EBF2: variants seen among roughly 807,000 people sequenced by gnomAD.
The protein encoded by EBF2 is EBF transcription factor 2, also known as transcription factor COE2.
EBF2 carries 21 observed loss-of-function variants against 72.8 expected under a neutral mutation model. The observed-to-expected ratio is 0.29, with a 90% confidence interval of 0.20 to 0.42. EBF2 has a LOEUF of 0.42. Among genes scored for constraint, EBF2 ranks in the 10% least tolerant of loss-of-function variants. The probability of loss-of-function intolerance (pLI) is 1.00; values close to 1 mark genes in which losing one functional copy is unlikely to be tolerated. For missense variants in EBF2, 637 were observed against 731.2 expected, an observed-to-expected ratio of 0.87 and a Z score of 1.49; for synonymous variants, 299 against 274.2, an observed-to-expected ratio of 1.09 and a Z score of -0.89.
chr8:26,044,670 C>A lies in EBF2; in HGVS notation c.131+59G>T, dbSNP rs573165454. 1.3e-6 allele frequency: 2 copies of A among 1,583,114 alleles called. No homozygotes were observed. The highest frequency in any genetic ancestry group is 1.3e-5 in the African/African-American group (1 of 74,444). ...ACGGGGTGCGCGGGGGGGGTGCACA[C>A]GGAGAGACAGACCGTAAGAGCGAGA... On this transcript the variant is annotated intron_variant, in intron 1 of 15. Transcript: ENST00000520164. This position sits in a 1 kb window ranked among gnomAD's most constrained non-coding sequence, Gnocchi z 4.1.
chr8:25,941,942 G>T (rs1009314195), intron 6 of EBF2, among the ~76,000 whole-genome samples: 1 of 152,194 alleles, frequency 6.6e-6, no homozygotes, highest in African/African-American at 2.4e-5. Context: ...GCTTAATAAT[G>T]GATCACTTCT....
At chr8:26,010,543 C>A (rs950542120) in intron 6 of EBF2, among the ~76,000 whole-genome samples, 1 of 152,176 alleles carries the variant, frequency 6.6e-6, no homozygotes, top group Non-Finnish European at 1.5e-5. Context: ...CACCCGTTCC[C>A]GGCAGAAAAT....
At chr8:25,988,894 C>A (rs561590202) in intron 6 of EBF2, among the ~76,000 whole-genome samples, 7 of 152,230 alleles carry the variant, frequency 4.6e-5, no homozygotes, top group African/African-American at 1.4e-4. Flanking sequence ...ACAGCTCTTT[C>A]CAAAAAACTA....
At chr8:25,953,718 A>G (rs778113064) in intron 6 of EBF2, among the ~76,000 whole-genome samples, 4 of 152,182 alleles carry the variant, frequency 2.6e-5, no homozygotes, top group Admixed American at 6.5e-5. Context: ...AAGGCTGTGG[A>G]GACTCCTTCT....
chr8:25,882,623 G>A (rs1327542802), intron 10 of EBF2, among the ~76,000 whole-genome samples: 1 of 152,190 alleles, frequency 6.6e-6, no homozygotes, highest in Non-Finnish European at 1.5e-5. Context: ...CACCACAGTT[G>A]CCAGGCACTG....
chr8:26,037,757 A>C (rs1805526983), intron 5 of EBF2, among the ~76,000 whole-genome samples: 1 of 152,224 alleles, frequency 6.6e-6, no homozygotes. Flanking sequence ...CTCCTTGCTA[A>C]TAATTGGCAA....
intron 6 of EBF2, among the ~76,000 whole-genome samples, chr8:25,945,232 C>G (rs1270865838): frequency 6.6e-6 from 1 of 152,034 alleles, no homozygotes; most frequent in African/African-American, 2.4e-5. Flanking sequence ...CTATATCCCC[C>G]AAGTTGAACT....
intron 5 of EBF2, among the ~76,000 whole-genome samples, chr8:26,037,964 G>T (rs1805531850): frequency 6.6e-6 from 1 of 152,178 alleles, no homozygotes; most frequent in Non-Finnish European, 1.5e-5. Flanking sequence ...ATAACACTAT[G>T]CAAATGAAAC....
At chr8:25,861,429 CAAA>C (rs1432560072) in intron 11 of EBF2, 55 bp from the exon 12 acceptor site, 2 of 1,598,810 alleles carry the variant, frequency 1.3e-6, no homozygotes, top group Admixed American at 3.4e-5. Context: ...AGATGGCAAA[CAAA>C]AGAAAATTAT....
intron 6 of EBF2, among the ~76,000 whole-genome samples, chr8:25,942,167 G>C (rs994416668): frequency 5.9e-5 from 9 of 152,206 alleles, no homozygotes; most frequent in African/African-American, 2.2e-4. Context: ...CCCCATCTGG[G>C]AACATGCAAT....
At chr8:26,002,895 CA>C (rs1485607056) in intron 6 of EBF2, among the ~76,000 whole-genome samples, 23 of 9,644 alleles carry the variant, frequency 2.4e-3, no homozygotes, top group East Asian at 7.2e-3. Flanking sequence ...GGCGGGCAGG[CA>C]GGCGGGCAGG....
intron 6 of EBF2, among the ~76,000 whole-genome samples, chr8:26,019,026 G>A (rs146168837): frequency 2.7e-4 from 41 of 151,878 alleles, no homozygotes; most frequent in African/African-American, 9.4e-4. Flanking sequence ...CTATTTCAGA[G>A]GATAGGTATG....
intron 6 of EBF2, among the ~76,000 whole-genome samples, chr8:26,026,040 A>G (rs1356101319): frequency 6.6e-6 from 1 of 152,160 alleles, no homozygotes; most frequent in African/African-American, 2.4e-5. Flanking sequence ...ATAGCCCGGC[A>G]TAGTGGCACA....
At chr8:26,026,722 A>C (rs540909933) in intron 6 of EBF2, among the ~76,000 whole-genome samples, 1 of 152,266 alleles carries the variant, frequency 6.6e-6, no homozygotes, top group East Asian at 1.9e-4. Context: ...GTTCTTCCAG[A>C]TCACACCCAC....
At chr8:25,877,973 T>C (rs1321803754) in intron 10 of EBF2, among the ~76,000 whole-genome samples, 1 of 152,164 alleles carries the variant, frequency 6.6e-6, no homozygotes, top group African/African-American at 2.4e-5. Flanking sequence ...ATAATTCTTA[T>C]GATCAGCCAA....
chr8:25,952,686 A>G (rs144350692), intron 6 of EBF2, among the ~76,000 whole-genome samples: 6 of 152,296 alleles, frequency 3.9e-5, no homozygotes, highest in African/African-American at 1.2e-4. Flanking sequence ...CCCTTCATCT[A>G]TGCAAGTTTT....
chr8:26,006,041 C>T (rs1026800886), intron 6 of EBF2, among the ~76,000 whole-genome samples: 10 of 152,070 alleles, frequency 6.6e-5, no homozygotes, highest in Non-Finnish European at 2.9e-5. Flanking sequence ...TCCATTTTCA[C>T]AAGGAGCCAA....
chr8:25,949,165 T>A (rs1337911403), intron 6 of EBF2, among the ~76,000 whole-genome samples: 2 of 152,162 alleles, frequency 1.3e-5, no homozygotes, highest in Non-Finnish European at 2.9e-5. Flanking sequence ...CATTATTGTT[T>A]CTATTTTATG....
chr8:26,037,739 C>T (rs927328444), intron 5 of EBF2, among the ~76,000 whole-genome samples: 2 of 152,152 alleles, frequency 1.3e-5, no homozygotes, highest in African/African-American at 4.8e-5. Context: ...GACATAACAA[C>T]TAGATTTCTC....
Sources: gnomAD v4.1 joint callset for allele counts (sites outside exome capture counted in the v4.1 genomes callset) on GRCh38, gnomAD v4.1.1 for gene constraint, Gnocchi (gnomAD v3.1) non-coding constraint, MANE v1.5 for transcripts, NCBI Gene and HGNC (gene_info 2026-07-23, HGNC 2026-07-21) for gene names.